The following KCNH1 variants were observed in gnomAD, a reference collection of about 807,000 sequenced individuals.
The protein encoded by KCNH1 is potassium voltage-gated channel subfamily H member 1.
KCNH1 carries 27 observed loss-of-function variants against 69.2 expected under a neutral mutation model. The ratio of observed to expected loss-of-function variants is 0.39; its 90% CI spans 0.29 to 0.54. The LOEUF (loss-of-function observed/expected upper bound fraction) is 0.54. Ranked by LOEUF, KCNH1 falls within the 20% of genes least tolerant of loss-of-function variation. The pLI, the probability that KCNH1 is intolerant of heterozygous loss-of-function variation, is 0.68. For missense variants in KCNH1, 798 were observed against 1,261.6 expected (o/e 0.63, Z 5.57); for synonymous variants, 456 against 487.7 (o/e 0.93, Z 0.86).
At chr1:211,068,698 C>T (rs1469240561) in intron 5 of KCNH1, among the ~76,000 whole-genome samples, 3 of 152,140 alleles carry the variant, frequency 2.0e-5, no homozygotes, top group Admixed American at 2.0e-4. Flanking sequence ...CTGGCAACAA[C>T]TCTTCTTAGA....
chr1:210,753,408 G>A (rs1018152030), intron 10 of KCNH1, among the ~76,000 whole-genome samples: 6 of 152,302 alleles, frequency 3.9e-5, no homozygotes, highest in Admixed American at 1.3e-4. Flanking sequence ...CAATTGAAAC[G>A]TGGAGTCAGA....
intron 10 of KCNH1, among the ~76,000 whole-genome samples, chr1:210,763,755 T>C (rs966381894): frequency 6.6e-6 from 1 of 152,164 alleles, no homozygotes; most frequent in Non-Finnish European, 1.5e-5. Flanking sequence ...TACTTATGAA[T>C]TGGAAGAATC....
intron 9 of KCNH1, among the ~76,000 whole-genome samples, chr1:210,776,684 G>C (rs1195950788): frequency 6.6e-6 from 1 of 152,168 alleles, no homozygotes. Flanking sequence ...CCAGAACTGA[G>C]AGAAATAAAT....
Position 210,683,824 on chromosome 1 carries a change from T to C in KCNH1, c.2427A>G (p.Pro809=), listed in dbSNP as rs775062478. 2 of 1,613,966 alleles carry C rather than the reference T, an allele frequency of 1.2e-6. No homozygotes were observed. The highest frequency in any genetic ancestry group is 1.3e-5 in the African/African-American group (1 of 75,066). Residue 809 remains proline (P), a synonymous_variant, in exon 11 of 11, where the codon CCA becomes CCG. Coordinates refer to ENST00000271751, the MANE Select transcript of KCNH1 (RefSeq NM_172362.3). This position sits in a 1 kb window ranked among gnomAD's most constrained non-coding sequence, Gnocchi z 5.7. ...CTGGCGCCTGTAGCTTTGCGTGGTC[T>C]GGCACCCCGGAGGTGGAGGCTGCCT... ...SFQAASTSGV[P]DHAKLQAPGS...
At chr1:210,851,350 C>T (rs987299718) in intron 7 of KCNH1, among the ~76,000 whole-genome samples, 3 of 152,152 alleles carry the variant, frequency 2.0e-5, no homozygotes, top group Admixed American at 1.3e-4. Context: ...CTTCTATCAT[C>T]CCAACAGTGT....
chr1:210,900,298 C>A (rs1686967559), intron 7 of KCNH1, among the ~76,000 whole-genome samples: 1 of 152,178 alleles, frequency 6.6e-6, no homozygotes, highest in South Asian at 2.1e-4. Context: ...ACAAATCATC[C>A]CCGGTGCTCC....
At chr1:210,999,124 T>A (rs1333667343) in intron 6 of KCNH1, among the ~76,000 whole-genome samples, 4 of 151,836 alleles carry the variant, frequency 2.6e-5, no homozygotes, top group Admixed American at 2.6e-4. Context: ...AAGAGCAAAC[T>A]CATTCAAAAG....
At chr1:210,768,112 C>T (rs576961853) in intron 10 of KCNH1, among the ~76,000 whole-genome samples, 1 of 152,312 alleles carries the variant, frequency 6.6e-6, no homozygotes, top group Admixed American at 6.5e-5. Flanking sequence ...CAGTCCATCA[C>T]TTCTTTTTAA....
chr1:210,869,860 T>C (rs1056910860), intron 7 of KCNH1, among the ~76,000 whole-genome samples: 3 of 152,104 alleles, frequency 2.0e-5, no homozygotes, highest in African/African-American at 7.2e-5. Flanking sequence ...TACAGATACC[T>C]GGTAGTTCTT....
chr1:211,115,730 T>TATATATATATATATATATAC (rs1159442976), intron 1 of KCNH1, among the ~76,000 whole-genome samples: 32 of 86,988 alleles, frequency 3.7e-4, no homozygotes, highest in East Asian at 4.7e-4. Flanking sequence ...TATATATATA[T>TATATATATATATATATATAC]ACACACACAC....
At chr1:210,783,730 G>A (rs1047349262) in intron 9 of KCNH1, among the ~76,000 whole-genome samples, 6 of 152,168 alleles carry the variant, frequency 3.9e-5, no homozygotes, top group Non-Finnish European at 5.9e-5. Flanking sequence ...CCACAAGGTT[G>A]CCACACCAGC....
intron 5 of KCNH1, among the ~76,000 whole-genome samples, chr1:211,032,173 A>C (rs1689798185): frequency 1.3e-5 from 2 of 152,218 alleles, no homozygotes; most frequent in Non-Finnish European, 2.9e-5. Context: ...AGCTTCAAAG[A>C]GAATAAAATA....
At chr1:210,697,747 C>A (rs17260683) in intron 10 of KCNH1, among the ~76,000 whole-genome samples, 2,574 of 152,330 alleles carry the variant, frequency 0.017, 35 homozygotes, top group Middle Eastern at 0.031. Context: ...GGAGCCCAGT[C>A]CCTATGTGGA....
At chr1:210,729,223 A>C in intron 10 of KCNH1, among the ~76,000 whole-genome samples, 1 of 152,216 alleles carries the variant, frequency 6.6e-6, no homozygotes, top group East Asian at 1.9e-4. Flanking sequence ...CCAAGAGACC[A>C]AATCAGACAT....
At chr1:210,824,285 A>T (rs1684993216) in intron 7 of KCNH1, among the ~76,000 whole-genome samples, 1 of 151,952 alleles carries the variant, frequency 6.6e-6, no homozygotes, top group Non-Finnish European at 1.5e-5. Context: ...TATGTAGATT[A>T]TATATAGATG....
rs566601545 is a variant in KCNH1, at chr1:210,982,200, C to T, written c.1032+36583G>A. ...TGGGAATAAAATTAAATAACAGCTACGAAAAGGATGCGAGAATACTTTTAT... is the reference window on the plus strand; with the variant it reads ...TGGGAATAAAATTAAATAACAGCTATGAAAAGGATGCGAGAATACTTTTAT... On this transcript the variant is annotated intron_variant, in intron 6 of 10. Coordinates refer to ENST00000271751, the MANE Select transcript of KCNH1 (RefSeq NM_172362.3). Among the ~76,000 whole-genome samples, 243 of 148,488 alleles carry T rather than the reference C, an allele frequency of 1.6e-3. 1 individual carries two copies. The highest frequency in any genetic ancestry group is 2.5e-3 in the Non-Finnish European group (167 of 67,432).
intron 5 of KCNH1, among the ~76,000 whole-genome samples, chr1:211,030,789 G>A (rs1689768793): frequency 6.6e-6 from 1 of 152,082 alleles, no homozygotes; most frequent in African/African-American, 2.4e-5. Context: ...AAAAGACTGT[G>A]TTGAGGATGA....
chr1:210,732,837 C>T (rs1269964923), intron 10 of KCNH1, among the ~76,000 whole-genome samples: 2 of 152,174 alleles, frequency 1.3e-5, no homozygotes, highest in Admixed American at 6.5e-5. Flanking sequence ...CCCTCATGAC[C>T]TAATCGCCTC....
intron 7 of KCNH1, among the ~76,000 whole-genome samples, chr1:210,872,149 CAA>C (rs60497732): frequency 4.5e-3 from 352 of 77,668 alleles, no homozygotes; most frequent in African/African-American, 0.014. Context: ...GGAAGAGCAC[CAA>C]AAAAAAAAAA....
Sources: gnomAD v4.1 joint callset for allele counts (sites outside exome capture counted in the v4.1 genomes callset) on GRCh38, gnomAD v4.1.1 for gene constraint, Gnocchi (gnomAD v3.1) non-coding constraint, MANE v1.5 for transcripts, NCBI Gene and HGNC (gene_info 2026-07-23, HGNC 2026-07-21) for gene names.